Variants in KALRN observed in about 807,000 individuals in gnomAD.
KALRN encodes the protein kalirin RhoGEF kinase.
A neutral mutation model predicts 353.7 loss-of-function variants in KALRN; 70 were observed. The observed-to-expected ratio is 0.20, with a 90% CI of 0.16 to 0.24. The LOEUF is 0.24. Among genes scored for constraint, KALRN ranks in the 10% least tolerant of loss-of-function variants. The probability of loss-of-function intolerance (pLI) is 1.00; values close to 1 mark genes in which losing one functional copy is unlikely to be tolerated. For missense variants in KALRN, 2,791 were observed against 3,756.7 expected (o/e 0.74, Z 6.72); for synonymous variants, 1,391 against 1,434.8 (o/e 0.97, Z 0.69).
rs1191908998 is a variant in KALRN at position 124,240,698 on chromosome 3, C to T, written c.263+5755C>T. On this transcript the variant is annotated intron_variant, in intron 3 of 59. Coordinates refer to ENST00000682506, the MANE Select transcript of KALRN (RefSeq NM_001388419.1). ...TTGATGTAGTCCATGTAGGTCAACTCCCCAGGGCACTGGGTAGTGGAGAGA... is the reference window on the plus strand; with the variant it reads ...TTGATGTAGTCCATGTAGGTCAACTTCCCAGGGCACTGGGTAGTGGAGAGA... Among the ~76,000 whole-genome samples, 13 of 150,712 alleles carry T rather than the reference C, an allele frequency of 8.6e-5. No homozygotes were observed. The Admixed American group carries it at 8.6e-4, about 10-fold the overall frequency.
At chr3:124,145,505 GCTT>G (rs2067219991) in intron 1 of KALRN, among the ~76,000 whole-genome samples, 1 of 152,200 alleles carries the variant, frequency 6.6e-6, no homozygotes, top group East Asian at 1.9e-4. Context: ...GACATCTGAG[GCTT>G]CTTCCTGTGG....
In KALRN at chr3:124,461,975, C is replaced by T. The variant is rs373704350; in HGVS notation, c.3921+19C>T. The T allele has an allele frequency of 2.5e-5, 39 of 1,575,934 alleles. No homozygotes were observed. Among genetic ancestry groups the T allele is most frequent in the South Asian group, 1.9e-4 (17 of 89,820 alleles). Reference sequence around the variant, plus strand: ...CTTAGAGGTGAGTCTTCCAGTAATCCGTTCACAGCTATATTGGAAAAATGA... The same window carrying T: ...CTTAGAGGTGAGTCTTCCAGTAATCTGTTCACAGCTATATTGGAAAAATGA... On this transcript the variant is annotated intron_variant, in intron 24 of 59. Transcript: ENST00000682506.
chr3:124,366,800 A>ACCTC (rs2084774570), intron 10 of KALRN, among the ~76,000 whole-genome samples: 1 of 149,234 alleles, frequency 6.7e-6, no homozygotes, highest in African/African-American at 2.5e-5. Flanking sequence ...GGCGCCCCTC[A>ACCTC]CCTCCCGGAC....
chr3:124,456,551 C>A, intron 22 of KALRN, 59 bp from the exon 23 acceptor site: 1 of 1,230,004 alleles, frequency 8.1e-7, no homozygotes, highest in Non-Finnish European at 1.2e-6. Context: ...TCCCTCAACT[C>A]CAGTGAGTTG....
At chr3:124,423,172 G>A (rs1373927) in intron 15 of KALRN, among the ~76,000 whole-genome samples, 194 bp downstream of exon 15, 16,553 of 152,246 alleles carry the variant, frequency 0.11, 1,858 homozygotes, top group African/African-American at 0.27. Context: ...AATAGACCCA[G>A]TGATACAATG....
chr3:124,676,882 A>G (rs567690474), intron 49 of KALRN, among the ~76,000 whole-genome samples: 2 of 152,344 alleles, frequency 1.3e-5, no homozygotes, highest in South Asian at 4.1e-4. Flanking sequence ...TGCAGGGGAC[A>G]GTAGAGAGCC....
intron 36 of KALRN, 114 bp from the exon 37 acceptor site, chr3:124,637,094 C>A: frequency 1.2e-6 from 1 of 844,132 alleles, no homozygotes. Context: ...CGTCTAAACA[C>A]AGAACTTTGC....
intron 1 of KALRN, among the ~76,000 whole-genome samples, chr3:124,131,417 G>A (rs1409297259): frequency 1.3e-5 from 2 of 152,166 alleles, no homozygotes; most frequent in Non-Finnish European, 2.9e-5. Flanking sequence ...GACCCATGGG[G>A]TCTGGTGAAC....
At chr3:124,127,231 A>C (rs1457861477) in intron 1 of KALRN, among the ~76,000 whole-genome samples, 2 of 152,150 alleles carry the variant, frequency 1.3e-5, no homozygotes, top group African/African-American at 4.8e-5. Flanking sequence ...AGATTTTCCC[A>C]TTTAAATTTG....
chr3:124,408,568 C>T (rs1372020961), intron 13 of KALRN, among the ~76,000 whole-genome samples: 5 of 152,200 alleles, frequency 3.3e-5, no homozygotes, highest in African/African-American at 1.2e-4. Context: ...AATAAATGCA[C>T]AATACAAAGT....
intron 34 of KALRN, among the ~76,000 whole-genome samples, chr3:124,574,907 C>T (rs944274356): frequency 1.3e-5 from 2 of 152,338 alleles, no homozygotes; most frequent in East Asian, 1.9e-4. Context: ...CTCTCAGCAA[C>T]AGGATTCTGC....
intron 1 of KALRN, among the ~76,000 whole-genome samples, chr3:124,067,563 G>A (rs1577729768): frequency 1.3e-5 from 2 of 152,300 alleles, no homozygotes; most frequent in East Asian, 1.9e-4. Context: ...ATAGGTCTGT[G>A]CACTTAGGAT....
At position 124,491,355 on chromosome 3, in the gene KALRN, G is replaced by A; in HGVS notation, c.4620G>A (p.Glu1540=). 6.2e-7 allele frequency: 1 copy of A among 1,609,420 alleles called. No homozygotes were observed. The highest frequency in any genetic ancestry group is 8.5e-7 in the Non-Finnish European group (1 of 1,177,580). ...TSELGVTEHV[E]GDPCKFALWS... Reference sequence around the variant, plus strand: ...AGCTGGGTGTGACCGAGCACGTGGAGGGCGATCCCTGCAAATTCGCCTTGT... The same window carrying A: ...AGCTGGGTGTGACCGAGCACGTGGAAGGCGATCCCTGCAAATTCGCCTTGT... Residue 1540 remains glutamate, a synonymous_variant, in exon 31 of 60, where the codon GAG becomes GAA. Coordinates refer to ENST00000682506, the MANE Select transcript of KALRN (RefSeq NM_001388419.1).
chr3:124,487,364 A>C (rs1316089683), intron 28 of KALRN, among the ~76,000 whole-genome samples: 1 of 151,996 alleles, frequency 6.6e-6, no homozygotes, highest in African/African-American at 2.4e-5. Context: ...GAAAGGACAC[A>C]CTCCCCAGCT....
intron 56 of KALRN, 59 bp downstream of exon 56, chr3:124,700,092 G>A: frequency 5.2e-6 from 8 of 1,551,294 alleles, no homozygotes; most frequent in Non-Finnish European, 7.1e-6. Context: ...CTGGCTGCCT[G>A]TCACAGACTC....
At chr3:124,461,619 A>G (rs1274260402) in intron 23 of KALRN, among the ~76,000 whole-genome samples, 1 of 152,064 alleles carries the variant, frequency 6.6e-6, no homozygotes, top group African/African-American at 2.4e-5. Context: ...TAATAGTAGG[A>G]CTGGGGTGGA....
At chr3:124,620,855 A>T (rs1426873328) in intron 34 of KALRN, among the ~76,000 whole-genome samples, 1 of 152,158 alleles carries the variant, frequency 6.6e-6, no homozygotes, top group Admixed American at 6.5e-5. Context: ...GGTCGAGGAG[A>T]CCTTGAGGAC....
intron 1 of KALRN, among the ~76,000 whole-genome samples, chr3:124,193,721 T>C (rs1188716498): frequency 6.6e-6 from 1 of 152,158 alleles, no homozygotes; most frequent in Non-Finnish European, 1.5e-5. Flanking sequence ...TGACCCCTCT[T>C]TAACCTTTGG....
intron 38 of KALRN, among the ~76,000 whole-genome samples, chr3:124,651,253 C>T (rs1392876565): frequency 6.6e-6 from 1 of 152,160 alleles, no homozygotes; most frequent in Non-Finnish European, 1.5e-5. Context: ...GAGACTGTTA[C>T]TGAGGGCCTA....
Sources: gnomAD v4.1 joint callset for allele counts (sites outside exome capture counted in the v4.1 genomes callset) on GRCh38, gnomAD v4.1.1 for gene constraint, MANE v1.5 for transcripts, NCBI Gene and HGNC (gene_info 2026-07-23, HGNC 2026-07-21) for gene names.